The following DCP1A variants were observed in gnomAD, a reference collection of about 807,000 sequenced individuals.
DCP1A encodes decapping mRNA 1A.
Under a neutral mutation model 58.0 loss-of-function variants are expected in DCP1A, and 20 were observed. The ratio of observed to expected loss-of-function variants is 0.34; its 90% CI spans 0.24 to 0.50. The LOEUF (loss-of-function observed/expected upper bound fraction) is 0.50, where lower values mean the gene tolerates loss of function less well. Ranked by LOEUF, DCP1A falls within the 20% of genes least tolerant of loss-of-function variation. DCP1A has a pLI of 0.98. For synonymous variants in DCP1A, 285 were observed against 275.1 expected (o/e 1.04, Z -0.36); for missense variants, 613 against 712.2 (o/e 0.86, Z 1.59).
chr3:53,290,226 G>C (rs1352699985), intron 8 of DCP1A, among the ~76,000 whole-genome samples: 2 of 152,216 alleles, frequency 1.3e-5, no homozygotes, highest in Admixed American at 1.3e-4. Context: ...GGACAAATGG[G>C]ACAGAAGACA....
intron 3 of DCP1A, among the ~76,000 whole-genome samples, chr3:53,324,248 G>A (rs1553690342): frequency 2.0e-5 from 3 of 152,290 alleles, no homozygotes; most frequent in African/African-American, 7.2e-5. Flanking sequence ...AGTCACACTC[G>A]ATTCTGCCAA....
At chr3:53,294,102 A>C (rs1707030570) in intron 6 of DCP1A, among the ~76,000 whole-genome samples, 2 of 152,236 alleles carry the variant, frequency 1.3e-5, no homozygotes, top group Admixed American at 1.3e-4. Context: ...GGTGACAGGG[A>C]AAGAGAGAAG....
chr3:53,292,084 C>T lies in DCP1A; in HGVS notation c.1368G>A (p.Val456=), dbSNP rs376012299. 6.2e-6 allele frequency: 10 copies of T among 1,611,462 alleles called. No individual in the cohort carries two copies. The highest frequency in any genetic ancestry group is 1.3e-5 in the African/African-American group (1 of 74,802). Residue 456 remains valine, a synonymous_variant, in exon 7 of 10, where the codon GTG becomes GTA. Transcript: ENST00000610213. ...CTGCCATTACCTGAAGGGGAGCAAG[C>T]ACCATGTTGCTCAGGGAGGCTGAGG... The part of the protein sequence containing the change: ...VAASASLSNM[V]LAPLQSMQQN...
In DCP1A at chr3:53,285,443, A is replaced by C. The variant is rs1215263678; in HGVS notation, c.*2137T>G. On this transcript the variant is annotated 3_prime_UTR_variant, in exon 10 of 10. Coordinates refer to ENST00000610213, the MANE Select transcript of DCP1A (RefSeq NM_018403.7). The stretch of plus-strand genomic sequence containing the variant: ...TCATGACATGAACTTCTGGCTTCTG[A>C]ATTTTAAGTAAATACTTTGAATATA... The C allele has an allele frequency of 2.6e-5, 4 of 152,132 alleles. No individual in the cohort carries two copies. The highest frequency in any genetic ancestry group is 9.7e-5 in the African/African-American group (4 of 41,424). 9.4% of individuals were successfully genotyped at this position (152,132 alleles called of 1,614,324 possible). A position where few individuals can be genotyped will look rare whatever the true frequency, so the allele number is the denominator to read the frequency against.
intron 3 of DCP1A, among the ~76,000 whole-genome samples, chr3:53,334,994 AGTCT>A (rs1335101574): frequency 6.6e-6 from 1 of 151,304 alleles, no homozygotes; most frequent in East Asian, 1.9e-4. Context: ...ATATGCTGTC[AGTCT>A]AACTGGTGTT....
Position 53,319,387 on chromosome 3 carries a change from T to C in DCP1A, c.371+20A>G. 1 of 1,464,104 alleles carries C rather than the reference T, an allele frequency of 6.8e-7. No individual in the cohort carries two copies. Among genetic ancestry groups the C allele is most frequent in the East Asian group, 2.4e-5 (1 of 41,070 alleles). 90.7% of individuals were successfully genotyped at this position (1,464,104 alleles called of 1,614,324 possible). ...ATTTCTCACATATCATCAGTTAAATTTATGGAGTAATATACTTACTCAGCC... is the reference window on the plus strand; with the variant it reads ...ATTTCTCACATATCATCAGTTAAATCTATGGAGTAATATACTTACTCAGCC... On this transcript the variant is annotated intron_variant, in intron 4 of 9. Transcript: ENST00000610213.
intron 6 of DCP1A, 52 bp downstream of exon 6, chr3:53,304,125 G>C (rs782685317): frequency 1.5e-6 from 2 of 1,368,394 alleles, no homozygotes; most frequent in Non-Finnish European, 2.1e-6. Context: ...AATCCTTACT[G>C]AATGTTACTC....
chr3:53,285,802 C>T lies in DCP1A; in HGVS notation c.*1778G>A, dbSNP rs1553685047. 6 of 152,122 alleles carry T rather than the reference C, an allele frequency of 3.9e-5. No individual in the cohort carries two copies. Among genetic ancestry groups the T allele is most frequent in the African/African-American group, 1.4e-4 (6 of 41,432 alleles). The allele number at this position is 152,122 out of a possible 1,614,324, so 9.4% of individuals were successfully genotyped here. A position where few individuals can be genotyped will look rare whatever the true frequency, so the allele number is the denominator to read the frequency against. On this transcript the variant is annotated 3_prime_UTR_variant, in exon 10 of 10. Transcript: ENST00000610213. Reference sequence around the variant, plus strand: ...GGAAGTCACGTGGCTCCCTGGACACCATCTCCCGGTGTCAGCAACACTCTG... The same window carrying T: ...GGAAGTCACGTGGCTCCCTGGACACTATCTCCCGGTGTCAGCAACACTCTG...
intron 3 of DCP1A, among the ~76,000 whole-genome samples, chr3:53,338,994 T>C (rs1553692268): frequency 6.6e-6 from 1 of 152,116 alleles, no homozygotes; most frequent in Non-Finnish European, 1.5e-5. Flanking sequence ...GATATGAAGG[T>C]GTCACTTGAG....
chr3:53,323,168 TCA>T (rs1185214463), intron 3 of DCP1A, among the ~76,000 whole-genome samples: 2 of 152,202 alleles, frequency 1.3e-5, no homozygotes, highest in African/African-American at 4.8e-5. Flanking sequence ...CCTCTTTTCT[TCA>T]CAGAGTTGAG....
chr3:53,347,247 G>A, intron 1 of DCP1A, 136 bp downstream of exon 1: 1 of 1,105,796 alleles, frequency 9.0e-7, no homozygotes, highest in South Asian at 1.9e-5. Flanking sequence ...CTCTGGCTAG[G>A]CTCTTGGCCA....
chr3:53,312,154 G>C, intron 5 of DCP1A, 87 bp downstream of exon 5: 1 of 1,427,750 alleles, frequency 7.0e-7, no homozygotes, highest in Non-Finnish European at 9.4e-7. Context: ...CTGGAGGCCA[G>C]CTTCCCTAGT....
In DCP1A at chr3:53,287,948, C is replaced by T. The variant is rs532520841; in HGVS notation, c.1668+117G>A. The T allele has an allele frequency of 2.3e-4, 241 of 1,070,616 alleles. 2 individuals are homozygous for T. In the South Asian group the frequency reaches 3.4e-3, roughly 15 times the overall value. 66.3% of individuals were successfully genotyped at this position (1,070,616 alleles called of 1,614,324 possible). A position where few individuals can be genotyped will look rare whatever the true frequency, so the allele number is the denominator to read the frequency against. ...GGGATTACAGGTGTGAGCCACTTTGCCTGGCCTCCAGCTAGTCTTTTGAAT... is the reference window on the plus strand; with the variant it reads ...GGGATTACAGGTGTGAGCCACTTTGTCTGGCCTCCAGCTAGTCTTTTGAAT... On this transcript the variant is annotated intron_variant, in intron 9 of 9. Transcript: ENST00000610213.
At chr3:53,318,804 T>G (rs144798837) in intron 4 of DCP1A, among the ~76,000 whole-genome samples, 1 of 152,216 alleles carries the variant, frequency 6.6e-6, no homozygotes, top group Non-Finnish European at 1.5e-5. Flanking sequence ...AGAGTCTGTG[T>G]CAAAAACAAG....
At position 53,288,163 on chromosome 3, in the gene DCP1A, G is replaced by T. The variant is rs782558157; in HGVS notation, c.1570C>A (p.Pro524Thr). The T allele has an allele frequency of 8.7e-6, 14 of 1,613,914 alleles. No individual in the cohort carries two copies. The South Asian group carries it at 1.5e-4, about 18-fold the overall frequency. The change falls in exon 9 of 10, where the codon CCT becomes ACT. Residue 524 changes from proline (P) to threonine (T), a missense_variant. This residue lies in a region of DCP1A where 498 missense variants were observed against 556.7 expected (regional missense o/e 0.89). Transcript: ENST00000610213. Reference protein sequence around the residue: ...SSDLERKASSPSPLTIGTPES... With the variant: ...SSDLERKASSTSPLTIGTPES... The stretch of plus-strand genomic sequence containing the variant: ...GGCGTTCCAATAGTTAGAGGAGAAG[G>T]GGAGCTGGCTTTCCTCTCAAGGTCC...
chr3:53,344,375 C>A (rs1218963116), intron 2 of DCP1A, among the ~76,000 whole-genome samples: 1 of 151,988 alleles, frequency 6.6e-6, no homozygotes, highest in Non-Finnish European at 1.5e-5. Context: ...TTGAATAAGT[C>A]AAAAATAAAA....
intron 3 of DCP1A, among the ~76,000 whole-genome samples, chr3:53,339,255 C>T (rs547190836): frequency 6.6e-6 from 1 of 152,304 alleles, no homozygotes; most frequent in Admixed American, 6.5e-5. Context: ...ATCACTTCTC[C>T]CCAATACAGC....
At chr3:53,329,445 G>T (rs916959936) in intron 3 of DCP1A, 71 of 398,278 alleles carry the variant, frequency 1.8e-4, no homozygotes, top group Non-Finnish European at 3.0e-4. Flanking sequence ...GCTTTTGGAG[G>T]TAAGTTCTTA....
chr3:53,327,518 G>A (rs564600666), intron 3 of DCP1A, among the ~76,000 whole-genome samples: 118 of 152,300 alleles, frequency 7.7e-4, no homozygotes, highest in African/African-American at 2.6e-3. Flanking sequence ...GGCCGGGTGC[G>A]GTGGCTCACG....
Sources: gnomAD v4.1 joint callset for allele counts (sites outside exome capture counted in the v4.1 genomes callset) on GRCh38, gnomAD v4.1.1 for gene constraint, gnomAD v4.1.1 regional missense constraint, MANE v1.5 for transcripts, NCBI Gene and HGNC (gene_info 2026-07-23, HGNC 2026-07-21) for gene names.